Variants in OVOL2 observed in about 807,000 individuals in gnomAD.
The protein encoded by OVOL2 is ovo like zinc finger 2, also known as transcription factor Ovo-like 2.
Under a neutral mutation model 18.1 loss-of-function variants are expected in OVOL2, and 13 were observed. That is an observed-to-expected ratio of 0.72 (90% CI 0.47 to 1.14). OVOL2 has a LOEUF of 1.14. Ranked by LOEUF, OVOL2 falls within the 50% of genes most tolerant of loss-of-function variation. The pLI, the probability that OVOL2 is intolerant of heterozygous loss-of-function variation, is 0.00. For missense variants in OVOL2, 335 were observed against 383.0 expected (o/e 0.87, Z 1.05); for synonymous variants, 166 against 162.7 (o/e 1.02, Z -0.16).
At chr20:18,040,139 G>T (rs1041379952) in intron 3 of OVOL2, among the ~76,000 whole-genome samples, 7 of 152,124 alleles carry the variant, frequency 4.6e-5, no homozygotes, top group African/African-American at 1.7e-4. Flanking sequence ...GCCCAGGCTG[G>T]TCTCCAACTC....
rs1228082972 is a variant in OVOL2 at position 18,056,129 on chromosome 20, A to G, written c.321+528T>C. Reference sequence around the variant, plus strand: ...TGCACAAGCCTCCTGTCTGACAGACACTGGGAACCGGTTCATGTTGGGAGA... The same window carrying G: ...TGCACAAGCCTCCTGTCTGACAGACGCTGGGAACCGGTTCATGTTGGGAGA... On this transcript the variant is annotated intron_variant, in intron 2 of 3. Transcript: ENST00000278780. The surrounding 1 kb of genome is among the most constrained non-coding windows in gnomAD (Gnocchi z 4.2). Among the ~76,000 whole-genome samples, 1 of 152,216 alleles carries G rather than the reference A, an allele frequency of 6.6e-6. No homozygotes were observed. Among genetic ancestry groups the G allele is most frequent in the Admixed American group, 6.5e-5 (1 of 15,278 alleles).
chr20:18,031,140 T>A (rs576067021), intron 3 of OVOL2, among the ~76,000 whole-genome samples: 1 of 152,278 alleles, frequency 6.6e-6, no homozygotes, highest in South Asian at 2.1e-4. Flanking sequence ...ATTAACCTAC[T>A]GACACCCACA....
chr20:18,050,696 CTG>C (rs2036764473), intron 2 of OVOL2: 1 of 152,170 alleles, frequency 6.6e-6, no homozygotes, highest in African/African-American at 2.4e-5. Flanking sequence ...TTCCTGCTTT[CTG>C]TGTTTTCCTT....
chr20:18,052,827 G>A (rs774266095), intron 2 of OVOL2, among the ~76,000 whole-genome samples: 6 of 152,178 alleles, frequency 3.9e-5, no homozygotes, highest in African/African-American at 9.7e-5. Flanking sequence ...AGAGAATCAC[G>A]TATGAATACT....
chr20:18,044,993 G>A (rs540241188), intron 2 of OVOL2, among the ~76,000 whole-genome samples: 6 of 152,188 alleles, frequency 3.9e-5, no homozygotes, highest in Non-Finnish European at 8.8e-5. Flanking sequence ...GTAGTCAAAG[G>A]GCAAGAGGGA....
At chr20:18,049,067 C>T (rs958304716) in intron 2 of OVOL2, among the ~76,000 whole-genome samples, 61 of 152,178 alleles carry the variant, frequency 4.0e-4, no homozygotes, top group African/African-American at 1.2e-3. Context: ...GGCACGAAGA[C>T]GAAGAGACAA....
At chr20:18,043,883 T>A (rs2036700018) in intron 2 of OVOL2, among the ~76,000 whole-genome samples, 1 of 152,158 alleles carries the variant, frequency 6.6e-6, no homozygotes, top group Admixed American at 6.5e-5. Flanking sequence ...CCAAATCAGA[T>A]CCTTTAGAAG....
chr20:18,032,279 AGAAAG>A (rs1286132663), intron 3 of OVOL2, among the ~76,000 whole-genome samples: 7 of 151,278 alleles, frequency 4.6e-5, no homozygotes, highest in Non-Finnish European at 7.4e-5. Flanking sequence ...AGAGAAAGAA[AGAAAG>A]GAAAGGAAAG....
In OVOL2 at chr20:18,056,529, G is replaced by A. The variant is rs2036826824; in HGVS notation, c.321+128C>T. The A allele has an allele frequency of 1.9e-6, 2 of 1,038,308 alleles. No homozygotes were observed. Among genetic ancestry groups the A allele is most frequent in the South Asian group, 9.0e-5 (2 of 22,144 alleles). 64.3% of individuals were successfully genotyped at this position (1,038,308 alleles called of 1,614,324 possible). ...GCCCAGGGGCAGGTGCAGGAGCGGC[G>A]CGGCGGGCGCGCTCGGGGCGCGGGT... On this transcript the variant is annotated intron_variant, in intron 2 of 3. Coordinates refer to ENST00000278780, the MANE Select transcript of OVOL2 (RefSeq NM_021220.4). The surrounding 1 kb of genome is among the most constrained non-coding windows in gnomAD (Gnocchi z 4.2).
chr20:18,045,587 G>A (rs73899394), intron 2 of OVOL2, among the ~76,000 whole-genome samples: 5,863 of 152,262 alleles, frequency 0.039, 131 homozygotes, highest in Middle Eastern at 0.048. Context: ...ATTTAAGGGA[G>A]TACAGGGCCA....
intron 3 of OVOL2, among the ~76,000 whole-genome samples, chr20:18,031,568 C>A (rs927814816): frequency 6.6e-6 from 1 of 152,126 alleles, no homozygotes; most frequent in Non-Finnish European, 1.5e-5. Context: ...CGGAGCGAGA[C>A]TCTATCTCAG....
In OVOL2 at chr20:18,056,722, C is replaced by A; in HGVS notation, c.256G>T (p.Asp86Tyr). 1.4e-6 allele frequency: 2 copies of A among 1,464,894 alleles called. No homozygotes were observed. The highest frequency in any genetic ancestry group is 1.8e-6 in the Non-Finnish European group (2 of 1,114,582). 90.7% of individuals were successfully genotyped at this position (1,464,894 alleles called of 1,614,324 possible). ...APESETPEPGDAEGPDGHLAT... is the reference protein window; with the variant it reads ...APESETPEPGYAEGPDGHLAT... ...AGGTGTCCATCGGGGCCCTCGGCGT[C>A]GCCGGGCTCGGGGGTTTCGCTCTCG... The change falls in exon 2 of 4, where the codon GAC (aspartate) becomes TAC (tyrosine). Residue 86 changes from aspartate (D) to tyrosine (Y), a missense_variant. Transcript: ENST00000278780. This position sits in a 1 kb window ranked among gnomAD's most constrained non-coding sequence, Gnocchi z 4.2.
rs542404875 is a variant in OVOL2 at position 18,049,307 on chromosome 20, G to A, written c.321+7350C>T. Among the ~76,000 whole-genome samples, 20 of 152,226 alleles carry A rather than the reference G, an allele frequency of 1.3e-4. 1 individual carries two copies. The highest frequency in any genetic ancestry group is 1.2e-3 in the South Asian group (6 of 4,828). On this transcript the variant is annotated intron_variant, in intron 2 of 3. Coordinates refer to ENST00000278780, the MANE Select transcript of OVOL2 (RefSeq NM_021220.4). Reference sequence around the variant, plus strand: ...TGGCCCTCTGACCAGCTTCAAAGCCGGCTCAGATCATTCACCTGTCAAACT... The same window carrying A: ...TGGCCCTCTGACCAGCTTCAAAGCCAGCTCAGATCATTCACCTGTCAAACT...
chr20:18,052,050 T>C (rs748722176), intron 2 of OVOL2, among the ~76,000 whole-genome samples: 5 of 152,194 alleles, frequency 3.3e-5, no homozygotes, highest in Admixed American at 6.5e-5. Flanking sequence ...TAATTGTTAA[T>C]TCTTAATTGA....
intron 2 of OVOL2, among the ~76,000 whole-genome samples, chr20:18,049,551 T>C (rs200038107): frequency 1.1e-4 from 17 of 149,658 alleles, no homozygotes; most frequent in Non-Finnish European, 5.9e-5. Context: ...GCATTCAGAT[T>C]CCCCCCCCGA....
chr20:18,026,370 A>G (rs1310161333), intron 3 of OVOL2, among the ~76,000 whole-genome samples: 1 of 145,972 alleles, frequency 6.9e-6, no homozygotes, highest in Non-Finnish European at 1.5e-5. Context: ...CTGGGGTAGG[A>G]ATCAGGAATC....
At chr20:18,036,255 T>C (rs968025161) in intron 3 of OVOL2, among the ~76,000 whole-genome samples, 10 of 152,206 alleles carry the variant, frequency 6.6e-5, no homozygotes, top group Admixed American at 5.9e-4. Context: ...ATCAAGCCAT[T>C]GCACTTCAGC....
rs2036667277 is a variant in OVOL2 at position 18,041,477 on chromosome 20, C to T, written c.511+57G>A. The stretch of plus-strand genomic sequence containing the variant: ...ACCTGGTTTTTTGGTGGGAAAGAAA[C>T]AGGAGCTCTTGGCCAGAATAACAAA... On this transcript the variant is annotated intron_variant, in intron 3 of 3. Transcript: ENST00000278780. 6.4e-6 allele frequency: 10 copies of T among 1,558,044 alleles called. No homozygotes were observed. The South Asian group carries it at 9.5e-5, about 15-fold the overall frequency.
intron 2 of OVOL2, among the ~76,000 whole-genome samples, chr20:18,047,678 A>AC (rs1323978474): frequency 6.7e-6 from 1 of 149,386 alleles, no homozygotes; most frequent in Non-Finnish European, 1.5e-5. Flanking sequence ...ACATGGTGAA[A>AC]CCCCGCCTCT....
Sources: gnomAD v4.1 joint callset for allele counts (sites outside exome capture counted in the v4.1 genomes callset) on GRCh38, gnomAD v4.1.1 for gene constraint, Gnocchi (gnomAD v3.1) non-coding constraint, MANE v1.5 for transcripts, NCBI Gene and HGNC (gene_info 2026-07-23, HGNC 2026-07-21) for gene names.